TTC39C: variants seen among roughly 807,000 people sequenced by gnomAD.
The protein encoded by TTC39C is tetratricopeptide repeat protein 39C.
A neutral mutation model predicts 76.3 loss-of-function variants in TTC39C; 33 were observed. The ratio of observed to expected loss-of-function variants is 0.43; its 90% CI spans 0.33 to 0.58. The LOEUF (loss-of-function observed/expected upper bound fraction) is 0.58, where lower values mean the gene tolerates loss of function less well. Among genes scored for constraint, TTC39C ranks in the 20% least tolerant of loss-of-function variants. The pLI, the probability that TTC39C is intolerant of heterozygous loss-of-function variation, is 0.04. For synonymous variants in TTC39C, 254 were observed against 260.6 expected, an observed-to-expected ratio of 0.97 and a Z score of 0.24; for missense variants, 595 against 701.4, an observed-to-expected ratio of 0.85 and a Z score of 1.71.
intron 1 of TTC39C, among the ~76,000 whole-genome samples, chr18:24,005,939 T>C (rs184003346): frequency 2.3e-3 from 353 of 152,218 alleles, no homozygotes; most frequent in Non-Finnish European, 4.5e-3. Context: ...CTATCTAATT[T>C]AGAACATTTT....
chr18:24,113,997 A>G, intron 6 of TTC39C: 1 of 361,856 alleles, frequency 2.8e-6, no homozygotes, highest in East Asian at 7.0e-5. Context: ...CAAACTATCA[A>G]CTGTATGGTG....
intron 1 of TTC39C, among the ~76,000 whole-genome samples, chr18:23,999,701 T>C (rs1223080980): frequency 6.6e-6 from 1 of 152,096 alleles, no homozygotes; most frequent in Non-Finnish European, 1.5e-5. Context: ...CCTCACCCTG[T>C]GGGGAAGCAG....
intron 1 of TTC39C, among the ~76,000 whole-genome samples, chr18:24,020,844 C>A (rs1481658558): frequency 6.6e-6 from 1 of 151,978 alleles, no homozygotes; most frequent in Admixed American, 6.6e-5. Flanking sequence ...ACCTTTTTTC[C>A]CCTCATTTAG....
chr18:24,118,350 C>T (rs780188009), intron 8 of TTC39C, 118 bp downstream of exon 8: 2 of 676,720 alleles, frequency 3.0e-6, no homozygotes, highest in Non-Finnish European at 5.0e-6. Flanking sequence ...CCACAGCCTT[C>T]CCCAGCATGT....
chr18:24,102,750 A>AT (rs932471131), intron 6 of TTC39C, among the ~76,000 whole-genome samples: 25 of 152,312 alleles, frequency 1.6e-4, no homozygotes, highest in African/African-American at 5.8e-4. Context: ...AGCACCCCAC[A>AT]TGTTGGCCCC....
chr18:24,021,806 CT>C (rs1313160338), intron 1 of TTC39C, among the ~76,000 whole-genome samples: 2 of 152,156 alleles, frequency 1.3e-5, no homozygotes, highest in East Asian at 3.9e-4. Context: ...GTAGTTACCC[CT>C]GTCTTACAGG....
chr18:24,028,465 T>C (rs2083623908), intron 1 of TTC39C, among the ~76,000 whole-genome samples: 2 of 152,316 alleles, frequency 1.3e-5, no homozygotes, highest in African/African-American at 2.4e-5. Context: ...GCTATTCTAC[T>C]AAAGTCTAGA....
rs929768211 is a variant in TTC39C, at chr18:24,133,335, C to T, written c.*761C>T. On this transcript the variant is annotated 3_prime_UTR_variant, in exon 14 of 14. Coordinates refer to ENST00000317571, the MANE Select transcript of TTC39C (RefSeq NM_001135993.2). ...CTACAGAATGTTTCAAAGCGATGGACACTCTTTTTCCTTTGAAAGCCAACC... is the reference window on the plus strand; with the variant it reads ...CTACAGAATGTTTCAAAGCGATGGATACTCTTTTTCCTTTGAAAGCCAACC... 7 of 152,214 alleles carry T rather than the reference C, an allele frequency of 4.6e-5. No individual in the cohort carries two copies. The highest frequency in any genetic ancestry group is 9.6e-5 in the African/African-American group (4 of 41,456). The allele number at this position is 152,214 out of a possible 1,614,324, so 9.4% of individuals were successfully genotyped here.
Position 24,022,621 on chromosome 18 carries a change from C to T in TTC39C, c.167+7583C>T, listed in dbSNP as rs2083531246. On this transcript the variant is annotated intron_variant, in intron 1 of 13. Transcript: ENST00000317571. ...TTCCTTCAGTAATATGCAGATTGCA[C>T]TCTGACACCCAGAAGCTATCCATCA... 1.3e-5 allele frequency: 13 copies of T among 985,284 alleles called. 1 individual carries two copies. Among genetic ancestry groups the T allele is most frequent in the Non-Finnish European group, 1.6e-5 (13 of 829,932 alleles). 61.0% of individuals were successfully genotyped at this position (985,284 alleles called of 1,614,324 possible).
At chr18:24,082,865 G>T in intron 5 of TTC39C, 48 bp from the exon 6 acceptor site, 1 of 1,525,344 alleles carries the variant, frequency 6.6e-7, no homozygotes, top group African/African-American at 1.4e-5. Flanking sequence ...AATGGAAATG[G>T]TGTAAGGAAA....
rs1328473112 is a variant in TTC39C at position 24,063,998 on chromosome 18, A to G, written c.168-142A>G. Reference sequence around the variant, plus strand: ...CCTCTTTAACTTCTTTATTAGGGTAATTTAATCTGCTTGATGACCTTAACT... The same window carrying G: ...CCTCTTTAACTTCTTTATTAGGGTAGTTTAATCTGCTTGATGACCTTAACT... On this transcript the variant is annotated intron_variant, in intron 1 of 13. Transcript: ENST00000317571. 5 of 1,192,620 alleles carry G rather than the reference A, an allele frequency of 4.2e-6. No homozygotes were observed. In the Admixed American group the frequency reaches 9.0e-5, roughly 21 times the overall value. 73.9% of individuals were successfully genotyped at this position (1,192,620 alleles called of 1,614,324 possible).
chr18:24,085,892 GGTT>G (rs2084432393), intron 6 of TTC39C, among the ~76,000 whole-genome samples: 1 of 152,168 alleles, frequency 6.6e-6, no homozygotes, highest in Non-Finnish European at 1.5e-5. Context: ...CTTGAAATAT[GGTT>G]GTTATTATCC....
chr18:24,065,302 A>G (rs2145732850), intron 2 of TTC39C, among the ~76,000 whole-genome samples: 1 of 152,348 alleles, frequency 6.6e-6, no homozygotes, highest in South Asian at 2.1e-4. Context: ...TAGGTTCATC[A>G]GGTCCTTCCA....
At chr18:24,069,326 A>C (rs1200128579) in intron 4 of TTC39C, 55 bp downstream of exon 4, 1 of 1,443,202 alleles carries the variant, frequency 6.9e-7, no homozygotes, top group Non-Finnish European at 9.7e-7. Context: ...CACAATTAGT[A>C]ATATGCTTTT....
Position 24,134,229 on chromosome 18 carries a change from A to G in TTC39C, c.*1655A>G, listed in dbSNP as rs891954693. On this transcript the variant is annotated 3_prime_UTR_variant, in exon 14 of 14. Coordinates refer to ENST00000317571, the MANE Select transcript of TTC39C (RefSeq NM_001135993.2). ...AAGGGAACTTTTTTCTGAAGAGCAA[A>G]ATTGGTGCCCAAAAATATTGGACAT... 4 of 151,686 alleles carry G rather than the reference A, an allele frequency of 2.6e-5. No homozygotes were observed. The highest frequency in any genetic ancestry group is 4.9e-5 in the African/African-American group (2 of 40,874). 9.4% of individuals were successfully genotyped at this position (151,686 alleles called of 1,614,324 possible).
At chr18:24,068,896 T>C (rs1230392820) in intron 3 of TTC39C, among the ~76,000 whole-genome samples, 1 of 152,216 alleles carries the variant, frequency 6.6e-6, no homozygotes, top group African/African-American at 2.4e-5. Flanking sequence ...TTTTTGTTGC[T>C]TTTCGTATTT....
chr18:23,997,012 C>G (rs1272300182), intron 1 of TTC39C, among the ~76,000 whole-genome samples: 4 of 152,048 alleles, frequency 2.6e-5, no homozygotes, highest in East Asian at 1.9e-4. Flanking sequence ...GGGAGGCTGA[C>G]ACAGGAGAAT....
intron 6 of TTC39C, among the ~76,000 whole-genome samples, chr18:24,111,671 G>C (rs4800543): frequency 0.46 from 69,761 of 151,540 alleles, 18,866 homozygotes; most frequent in Non-Finnish European, 0.62. Context: ...GAGGTGGAAG[G>C]ATCACCTGAG....
intron 6 of TTC39C, among the ~76,000 whole-genome samples, chr18:24,089,187 C>G (rs2084485843): frequency 6.6e-6 from 1 of 152,194 alleles, no homozygotes; most frequent in South Asian, 2.1e-4. Flanking sequence ...AGGGCCTGTG[C>G]TGTCCCCCAT....
Sources: allele counts gnomAD v4.1 joint callset (sites outside exome capture counted in the v4.1 genomes callset), GRCh38; gene constraint gnomAD v4.1.1; transcripts MANE v1.5; gene names NCBI Gene and HGNC (gene_info 2026-07-23, HGNC 2026-07-21).